Variants in MTFR1 observed in about 807,000 individuals in gnomAD.
The protein encoded by MTFR1 is chondrocyte protein with a poly-proline region.
In MTFR1, 28 loss-of-function variants were observed where a neutral mutation model predicts 38.8. The ratio of observed to expected loss-of-function variants is 0.72; its 90% CI spans 0.53 to 0.99. The LOEUF (loss-of-function observed/expected upper bound fraction) is 0.99. Among genes scored for constraint, MTFR1 ranks in the 50% least tolerant of loss-of-function variants. MTFR1 has a pLI of 0.00. For missense variants in MTFR1, 358 were observed against 395.5 expected (o/e 0.91, Z 0.81); for synonymous variants, 145 against 137.0 (o/e 1.06, Z -0.41).
chr8:65,776,475 A>G, the MTFR1 span, among the ~76,000 whole-genome samples: 1 of 152,182 alleles, frequency 6.6e-6, no homozygotes, highest in Non-Finnish European at 1.5e-5. Context: ...AAACCTATAC[A>G]GATCAATTTA....
At chr8:65,647,323 T>G (rs1460556565) in intron 1 of MTFR1, among the ~76,000 whole-genome samples, 2 of 152,224 alleles carry the variant, frequency 1.3e-5, no homozygotes, top group Non-Finnish European at 2.9e-5. Flanking sequence ...TTGTTTCTGT[T>G]TTTTTTGAGA....
intron 3 of MTFR1, among the ~76,000 whole-genome samples, chr8:65,768,853 C>A (rs1019976520): frequency 6.6e-6 from 1 of 152,042 alleles, no homozygotes; most frequent in Non-Finnish European, 1.5e-5. Flanking sequence ...AAGATATAAT[C>A]AAAAATAATA....
At chr8:65,714,502 C>A (rs774347830), downstream of MTFR1, 1 of 152,052 alleles carries the variant, frequency 6.6e-6, no homozygotes, top group African/African-American at 2.4e-5. Context: ...TTCCAGATGA[C>A]ACAAGTCATT....
chr8:65,744,643 T>C (rs958536374), intron 3 of MTFR1, among the ~76,000 whole-genome samples: 3 of 152,166 alleles, frequency 2.0e-5, no homozygotes, highest in Non-Finnish European at 2.9e-5. Context: ...AAGGAACCAC[T>C]GCTTTGGTCA....
chr8:65,736,119 TA>T (rs1807118111), intron 3 of MTFR1, among the ~76,000 whole-genome samples: 1 of 152,022 alleles, frequency 6.6e-6, no homozygotes, highest in South Asian at 2.1e-4. Context: ...TAACAATAAT[TA>T]AAATAAAATA....
At chr8:65,677,165 C>T (rs562312483) in intron 2 of MTFR1, among the ~76,000 whole-genome samples, 7 of 150,226 alleles carry the variant, frequency 4.7e-5, no homozygotes, top group Admixed American at 2.7e-4. Flanking sequence ...CTCCACCTCC[C>T]GGTTCAAGCA....
At chr8:65,680,563 T>C (rs1255971704) in intron 2 of MTFR1, among the ~76,000 whole-genome samples, 1 of 152,218 alleles carries the variant, frequency 6.6e-6, no homozygotes, top group Non-Finnish European at 1.5e-5. Context: ...ATAAGTTGTA[T>C]ATGCTTTTAT....
downstream of MTFR1, among the ~76,000 whole-genome samples, chr8:65,711,816 C>G (rs1481336725): frequency 1.3e-5 from 2 of 152,178 alleles, no homozygotes; most frequent in African/African-American, 4.8e-5. Flanking sequence ...CTTAATGTTC[C>G]TAAAGCTGGA....
chr8:65,765,586 G>A (rs532965764), intron 3 of MTFR1: 10 of 148,640 alleles, frequency 6.7e-5, no homozygotes, highest in Non-Finnish European at 1.5e-4. Context: ...AAAAGAAAAT[G>A]GAAAAAACTG....
At chr8:65,739,113 G>A (rs1250210775) in intron 3 of MTFR1, among the ~76,000 whole-genome samples, 2 of 152,196 alleles carry the variant, frequency 1.3e-5, no homozygotes, top group South Asian at 2.1e-4. Context: ...GAACCAGCTC[G>A]GCTAATTGTA....
At chr8:65,644,354 C>T (rs1170730380), upstream of MTFR1, among the ~76,000 whole-genome samples, 1 of 152,190 alleles carries the variant, frequency 6.6e-6, no homozygotes, top group African/African-American at 2.4e-5. Flanking sequence ...GTCCCTACAG[C>T]GTGGGGTGAA....
chr8:65,712,872 C>T (rs1280736668), downstream of MTFR1, among the ~76,000 whole-genome samples: 1 of 152,238 alleles, frequency 6.6e-6, no homozygotes. Context: ...ATCTTTAGAT[C>T]TGTAACTTCT....
intron 3 of MTFR1, among the ~76,000 whole-genome samples, chr8:65,692,921 A>T (rs1805325321): frequency 7.2e-6 from 1 of 138,654 alleles, no homozygotes; most frequent in East Asian, 2.1e-4. Flanking sequence ...CCCGAGACAG[A>T]GTCTTGCTCT....
chr8:65,754,889 C>T (rs890223485), intron 3 of MTFR1, among the ~76,000 whole-genome samples: 5 of 149,740 alleles, frequency 3.3e-5, no homozygotes, highest in East Asian at 2.1e-4. Flanking sequence ...CGCCTGAACC[C>T]GGGAGGCGGA....
intron 3 of MTFR1, among the ~76,000 whole-genome samples, chr8:65,735,655 G>A (rs1009510515): frequency 1.3e-5 from 2 of 151,486 alleles, no homozygotes; most frequent in African/African-American, 2.4e-5. Context: ...ATGGAGTCTC[G>A]CTCTGTCACT....
intron 2 of MTFR1, among the ~76,000 whole-genome samples, chr8:65,673,479 C>G (rs1012869438): frequency 4.0e-5 from 6 of 151,656 alleles, no homozygotes; most frequent in African/African-American, 1.5e-4. Flanking sequence ...ATGCGTTGTC[C>G]TGATGCATGT....
intron 3 of MTFR1, chr8:65,689,610 C>G (rs185594349): frequency 7.9e-7 from 1 of 1,269,466 alleles, no homozygotes; most frequent in East Asian, 5.6e-5. Flanking sequence ...GTAAGTTGTC[C>G]TTTTCTTTCT....
At chr8:65,677,383 T>C (rs1475529146) in intron 2 of MTFR1, among the ~76,000 whole-genome samples, 2 of 143,038 alleles carry the variant, frequency 1.4e-5, no homozygotes, top group African/African-American at 5.1e-5. Context: ...TTTAGCTGTT[T>C]CTTTTTTTTT....
intron 3 of MTFR1, among the ~76,000 whole-genome samples, chr8:65,736,515 G>A (rs1035640535): frequency 2.0e-5 from 3 of 152,184 alleles, no homozygotes; most frequent in Non-Finnish European, 4.4e-5. Flanking sequence ...CACTTTGGGA[G>A]GCTGAGGCTG....
Sources: gnomAD v4.1 joint callset for allele counts (sites outside exome capture counted in the v4.1 genomes callset) on GRCh38, gnomAD v4.1.1 for gene constraint, MANE v1.5 for transcripts, NCBI Gene and HGNC (gene_info 2026-07-23, HGNC 2026-07-21) for gene names.